NEIL3: variants seen among roughly 807,000 people sequenced by gnomAD.
NEIL3 encodes the protein nei like DNA glycosylase 3, also known as endonuclease 8-like 3.
A neutral mutation model predicts 57.5 loss-of-function variants in NEIL3; 48 were observed. The ratio of observed to expected loss-of-function variants is 0.83; its 90% CI spans 0.66 to 1.06. NEIL3 has a LOEUF of 1.06. NEIL3 is among the 50% of genes least tolerant of loss of function. The pLI is 0.00. For synonymous variants in NEIL3, 261 were observed against 253.2 expected, an observed-to-expected ratio of 1.03 and a Z score of -0.29; for missense variants, 717 against 739.1, an observed-to-expected ratio of 0.97 and a Z score of 0.35.
chr4:177,346,165 T>C (rs72702967), intron 6 of NEIL3, among the ~76,000 whole-genome samples: 26,299 of 152,030 alleles, frequency 0.17, 2,747 homozygotes, highest in Admixed American at 0.29. Flanking sequence ...CCCTCTCTAA[T>C]TCAGTTGAAT....
chr4:177,328,234 C>T (rs1734818979), intron 2 of NEIL3, among the ~76,000 whole-genome samples: 1 of 152,136 alleles, frequency 6.6e-6, no homozygotes, highest in Non-Finnish European at 1.5e-5. Context: ...AGCTATGGAA[C>T]AAGGTGACAT....
Position 177,322,464 on chromosome 4 carries a change from T to C in NEIL3, c.162T>C (p.Ala54=), listed in dbSNP as rs1734703111. ...ASTVVVSPQA[A]ALNNDSSQNV... ...GTACATGTATTTTCCACTAGGCTGC[T>C]GCACTGAATAATGATTCCAGCCAGA... The change falls in exon 2 of 10, where the codon GCT becomes GCC. Residue 54 remains alanine, a synonymous_variant. Coordinates refer to ENST00000264596, the MANE Select transcript of NEIL3 (RefSeq NM_018248.3). 1 of 1,613,998 alleles carries C rather than the reference T, an allele frequency of 6.2e-7. No homozygotes were observed. Among genetic ancestry groups the C allele is most frequent in the East Asian group, 2.2e-5 (1 of 44,870 alleles).
chr4:177,341,844 A>C (rs761505674), intron 6 of NEIL3, among the ~76,000 whole-genome samples: 8 of 152,212 alleles, frequency 5.3e-5, no homozygotes, highest in Non-Finnish European at 1.0e-4. Context: ...CCAGTTCTGA[A>C]TTTAGGTGGA....
At chr4:177,326,566 G>T (rs1387569182) in intron 2 of NEIL3, among the ~76,000 whole-genome samples, 1 of 150,284 alleles carries the variant, frequency 6.7e-6, no homozygotes, top group African/African-American at 2.5e-5. Flanking sequence ...CTACATTTTA[G>T]ACTTAGCTTG....
chr4:177,362,268 A>G (rs1735620988), intron 9 of NEIL3, 21 bp from the exon 10 acceptor site: 1 of 1,583,790 alleles, frequency 6.3e-7, no homozygotes, highest in Non-Finnish European at 8.6e-7. Context: ...AAACTTGTAA[A>G]TTTACCTTTT....
At chr4:177,330,977 A>G (rs72702963) in intron 2 of NEIL3, among the ~76,000 whole-genome samples, 2,916 of 152,314 alleles carry the variant, frequency 0.019, 55 homozygotes, top group Non-Finnish European at 0.032. Flanking sequence ...AGGGAACATT[A>G]CTGCAGATCC....
At chr4:177,334,458 A>G (rs1734938220) in intron 2 of NEIL3, among the ~76,000 whole-genome samples, 1 of 152,114 alleles carries the variant, frequency 6.6e-6, no homozygotes, top group African/African-American at 2.4e-5. Flanking sequence ...AACCTTTGAG[A>G]TTTTTTATGT....
At chr4:177,354,588 G>T (rs761324959) in intron 8 of NEIL3, among the ~76,000 whole-genome samples, 27 of 152,008 alleles carry the variant, frequency 1.8e-4, no homozygotes, top group Non-Finnish European at 2.6e-4. Flanking sequence ...TTTTGCTCTT[G>T]TCGCCCAGCT....
At chr4:177,330,558 G>A (rs1157727112) in intron 2 of NEIL3, among the ~76,000 whole-genome samples, 4 of 151,986 alleles carry the variant, frequency 2.6e-5, no homozygotes, top group Admixed American at 2.6e-4. Context: ...CAAATAATTG[G>A]TCCTTTGAAA....
chr4:177,327,669 T>C (rs977820974), intron 2 of NEIL3, among the ~76,000 whole-genome samples: 2 of 152,186 alleles, frequency 1.3e-5, no homozygotes, highest in African/African-American at 4.8e-5. Context: ...TGAGTAGTAG[T>C]GGTGAGAGCA....
intron 1 of NEIL3, among the ~76,000 whole-genome samples, chr4:177,316,915 T>C (rs1216298295): frequency 1.3e-5 from 2 of 151,854 alleles, no homozygotes; most frequent in Non-Finnish European, 2.9e-5. Context: ...CCAGAGAGAA[T>C]TACAGACTAT....
intron 4 of NEIL3, among the ~76,000 whole-genome samples, chr4:177,339,169 G>A (rs764765148): frequency 1.3e-5 from 2 of 152,136 alleles, no homozygotes; most frequent in Non-Finnish European, 2.9e-5. Flanking sequence ...CTTCAAAAAC[G>A]TAACTACTAA....
intron 6 of NEIL3, among the ~76,000 whole-genome samples, chr4:177,344,165 G>A (rs566566275): frequency 1.4e-4 from 21 of 152,110 alleles, no homozygotes; most frequent in African/African-American, 4.6e-4. Context: ...CTTCCCTCCC[G>A]ACCTGATTCT....
rs572954202 is a variant in NEIL3 at position 177,330,891 on chromosome 4, C to T, written c.279-4797C>T. On this transcript the variant is annotated intron_variant, in intron 2 of 9. Coordinates refer to ENST00000264596, the MANE Select transcript of NEIL3 (RefSeq NM_018248.3). The stretch of plus-strand genomic sequence containing the variant: ...ATTTGAACTAATAACATTTCCAGTG[C>T]TCACTTGCCACATGTGGGTAGTGGC... Among the ~76,000 whole-genome samples, 5 of 152,260 alleles carry T rather than the reference C, an allele frequency of 3.3e-5. No individual in the cohort carries two copies. The East Asian group carries it at 9.7e-4, about 29-fold the overall frequency.
At chr4:177,342,292 C>A (rs1578998983) in intron 6 of NEIL3, among the ~76,000 whole-genome samples, 1 of 152,178 alleles carries the variant, frequency 6.6e-6, no homozygotes, top group Non-Finnish European at 1.5e-5. Flanking sequence ...TGATTATTTT[C>A]TTTTCCCCAA....
intron 2 of NEIL3, among the ~76,000 whole-genome samples, chr4:177,332,778 A>G (rs564334950): frequency 1.3e-5 from 2 of 152,246 alleles, no homozygotes; most frequent in East Asian, 3.9e-4. Context: ...TCCCATTTTT[A>G]TAGTAGCCTT....
At chr4:177,316,959 G>T (rs1734585222) in intron 1 of NEIL3, among the ~76,000 whole-genome samples, 1 of 152,092 alleles carries the variant, frequency 6.6e-6, no homozygotes, top group Non-Finnish European at 1.5e-5. Flanking sequence ...TACTAACATT[G>T]CATTTTAATA....
chr4:177,329,422 C>G (rs1734840148), intron 2 of NEIL3, among the ~76,000 whole-genome samples: 1 of 151,902 alleles, frequency 6.6e-6, no homozygotes, highest in Admixed American at 6.6e-5. Flanking sequence ...TATGGAAACA[C>G]TTATCAAAAG....
downstream of NEIL3, among the ~76,000 whole-genome samples, chr4:177,366,737 T>C (rs1329145215): frequency 6.6e-6 from 1 of 152,194 alleles, no homozygotes; most frequent in Admixed American, 6.5e-5. Flanking sequence ...CCTATTCTTC[T>C]GAGACTCCAG....
Sources: gnomAD v4.1 joint callset for allele counts (sites outside exome capture counted in the v4.1 genomes callset) on GRCh38, gnomAD v4.1.1 for gene constraint, MANE v1.5 for transcripts, NCBI Gene and HGNC (gene_info 2026-07-23, HGNC 2026-07-21) for gene names.